Variants in FAT3 observed in about 807,000 individuals in gnomAD.
FAT3 encodes the protein protocadherin Fat 3.
A neutral mutation model predicts 310.2 loss-of-function variants in FAT3; 95 were observed. That is an observed-to-expected ratio of 0.31 (90% CI 0.26 to 0.36). The LOEUF (loss-of-function observed/expected upper bound fraction) is 0.36, where lower values mean the gene tolerates loss of function less well. FAT3 is among the 10% of genes least tolerant of loss of function. FAT3 has a pLI of 1.00. For synonymous variants in FAT3, 2,314 were observed against 2,192.9 expected (o/e 1.06, Z -1.54); for missense variants, 5,408 against 5,715.6 (o/e 0.95, Z 1.74).
intron 13 of FAT3, among the ~76,000 whole-genome samples, chr11:92,820,126 A>G (rs528355486): frequency 1.3e-5 from 2 of 152,332 alleles, no homozygotes; most frequent in South Asian, 4.1e-4. Context: ...GTCTGCTCAG[A>G]CTGCCATAAC....
chr11:92,750,365 AGTG>A (rs1410991151), intron 4 of FAT3, among the ~76,000 whole-genome samples: 1 of 152,196 alleles, frequency 6.6e-6, no homozygotes, highest in Non-Finnish European at 1.5e-5. Context: ...GAAGGTATGC[AGTG>A]TTGACTGACA....
intron 4 of FAT3, among the ~76,000 whole-genome samples, chr11:92,714,618 T>A (rs1305823878): frequency 6.6e-6 from 1 of 152,218 alleles, no homozygotes; most frequent in Admixed American, 6.5e-5. Flanking sequence ...TGGAACAAGT[T>A]CTTCATCAGA....
intron 13 of FAT3, among the ~76,000 whole-genome samples, chr11:92,827,024 T>C (rs1948120484): frequency 6.6e-6 from 1 of 152,230 alleles, no homozygotes; most frequent in Non-Finnish European, 1.5e-5. Context: ...TCTTGCCATT[T>C]GGTTTCAGTG....
chr11:92,508,631 G>A (rs1314282279), intron 2 of FAT3, among the ~76,000 whole-genome samples: 1 of 152,106 alleles, frequency 6.6e-6, no homozygotes, highest in Non-Finnish European at 1.5e-5. Flanking sequence ...GGGCTTTTGA[G>A]AATATGTGGG....
intron 20 of FAT3, among the ~76,000 whole-genome samples, chr11:92,857,724 C>T (rs1013993458): frequency 3.3e-5 from 5 of 152,084 alleles, no homozygotes; most frequent in East Asian, 1.9e-4. Context: ...AATCCACAGC[C>T]GCAAAACCAA....
intron 6 of FAT3, among the ~76,000 whole-genome samples, chr11:92,770,608 A>G (rs1239325218): frequency 2.0e-5 from 3 of 152,028 alleles, no homozygotes; most frequent in African/African-American, 7.2e-5. Context: ...CTCACATAAC[A>G]CCTTCCCCTT....
At position 92,857,236 on chromosome 11, in the gene FAT3, C is replaced by T. The variant is rs534559087; in HGVS notation, c.11388C>T (p.Asn3796=). 4.8e-5 allele frequency: 77 copies of T among 1,613,872 alleles called. No individual in the cohort carries two copies. Among genetic ancestry groups the T allele is most frequent in the Middle Eastern group, 1.6e-4 (1 of 6,084 alleles). The change falls in exon 20 of 28, where the codon AAC becomes AAT. Residue 3796 remains asparagine (N), a synonymous_variant. Transcript: ENST00000525166. The stretch of plus-strand genomic sequence containing the variant: ...CAGGAGGACTGTGTCCGGGGTCCAA[C>T]GATCCTTGTGTGGAGAAGCCGTGTC... ...TCNGGLCPGS[N]DPCVEKPCPG...
intron 3 of FAT3, among the ~76,000 whole-genome samples, chr11:92,531,220 C>T (rs1191208490): frequency 1.3e-5 from 2 of 152,164 alleles, no homozygotes; most frequent in African/African-American, 4.8e-5. Context: ...TCCAACAAGT[C>T]CAGTAGAACA....
At chr11:92,614,617 G>A (rs526181) in intron 3 of FAT3, among the ~76,000 whole-genome samples, 87,130 of 151,960 alleles carry the variant, frequency 0.57, 26,728 homozygotes, top group African/African-American at 0.8. Context: ...GAAATTCTTC[G>A]TATGATTTAT....
chr11:92,848,792 G>C (rs76530456), intron 19 of FAT3, among the ~76,000 whole-genome samples: 2,143 of 152,344 alleles, frequency 0.014, 49 homozygotes, highest in African/African-American at 0.049. Flanking sequence ...CAACCAGTGG[G>C]GGATGGCACT....
At chr11:92,406,099 A>G (rs1950131331) in intron 2 of FAT3, among the ~76,000 whole-genome samples, 1 of 152,116 alleles carries the variant, frequency 6.6e-6, no homozygotes, top group South Asian at 2.1e-4. Context: ...CTTGATTGAT[A>G]CAGTGTTCCT....
intron 2 of FAT3, among the ~76,000 whole-genome samples, chr11:92,368,845 T>TATATATATATATACATAC (rs1196442457): frequency 6.9e-6 from 1 of 145,832 alleles, no homozygotes; most frequent in African/African-American, 2.7e-5. Flanking sequence ...TATATATATA[T>TATATATATATATACATAC]ATACACACAT....
rs751380078 is a variant in FAT3, at chr11:92,831,967, G to C, written c.9827G>C (p.Arg3276Pro). The C allele has an allele frequency of 3.2e-6, 5 of 1,570,616 alleles. No homozygotes were observed. The South Asian group carries it at 3.5e-5, about 11-fold the overall frequency. ...AATGCTGAGATCACTTATCTCATCC[G>C]GTCTGGGAACGAACAAGGGAAATTT... ...GTNAEITYLI[R>P]SGNEQGKFKI... The change falls in exon 14 of 28, where the codon CGG becomes CCG. Residue 3276 changes from arginine (R) to proline (P), a missense_variant. Coordinates refer to ENST00000525166, the MANE Select transcript of FAT3 (RefSeq NM_001367949.2).
chr11:92,432,884 T>C (rs890651361), intron 2 of FAT3, among the ~76,000 whole-genome samples: 1 of 152,166 alleles, frequency 6.6e-6, no homozygotes, highest in Admixed American at 6.5e-5. Context: ...GAGTTTTATC[T>C]ATAAGCCCCT....
intron 3 of FAT3, among the ~76,000 whole-genome samples, chr11:92,546,895 A>G (rs950428599): frequency 3.9e-5 from 6 of 152,178 alleles, no homozygotes; most frequent in Admixed American, 2.6e-4. Flanking sequence ...TTGTGAGGCT[A>G]GGGGTTATAT....
chr11:92,587,296 T>C (rs888079329), intron 3 of FAT3, among the ~76,000 whole-genome samples: 3 of 152,002 alleles, frequency 2.0e-5, no homozygotes, highest in Admixed American at 2.0e-4. Context: ...GTAGATCCCA[T>C]GCACTACTTA....
At chr11:92,273,000 T>C (rs749072079) in intron 1 of FAT3, among the ~76,000 whole-genome samples, 12 of 152,068 alleles carry the variant, frequency 7.9e-5, no homozygotes, top group Non-Finnish European at 1.8e-4. Context: ...CATAAACAGA[T>C]TTTTCCTAAT....
In FAT3 at chr11:92,866,736, C is replaced by T. The variant is rs2136346810; in HGVS notation, c.11659-5C>T. The T allele has an allele frequency of 2.5e-6, 4 of 1,610,714 alleles. No individual in the cohort carries two copies. In the South Asian group the frequency reaches 3.3e-5, roughly 13 times the overall value. On this transcript the variant is annotated splice_region_variant and splice_polypyrimidine_tract_variant and intron_variant, in intron 21 of 27. Transcript: ENST00000525166. Reference sequence around the variant, plus strand: ...AAAGTGCTGCACTGTTCCTTCCCCACGCAGATTGTGGATGGCAAGCTGTGG... The same window carrying T: ...AAAGTGCTGCACTGTTCCTTCCCCATGCAGATTGTGGATGGCAAGCTGTGG...
At chr11:92,236,012 G>A (rs944112832) in intron 1 of FAT3, among the ~76,000 whole-genome samples, 6 of 152,216 alleles carry the variant, frequency 3.9e-5, no homozygotes, top group Non-Finnish European at 5.9e-5. Context: ...TGAGTTCTTT[G>A]TGTCTCAAGA....
Sources: gnomAD v4.1 joint callset for allele counts (sites outside exome capture counted in the v4.1 genomes callset) on GRCh38, gnomAD v4.1.1 for gene constraint, MANE v1.5 for transcripts, NCBI Gene and HGNC (gene_info 2026-07-23, HGNC 2026-07-21) for gene names.